Variants in RPL5 observed in about 807,000 individuals in gnomAD.
RPL5 encodes the protein ribosomal protein L5.
RPL5 carries 1 observed loss-of-function variant against 38.4 expected under a neutral mutation model. That is an observed-to-expected ratio of 0.03 (90% CI 0.01 to 0.12). RPL5 has a LOEUF of 0.12. Among genes scored for constraint, RPL5 ranks in the 10% least tolerant of loss-of-function variants. RPL5 has a pLI of 1.00. For synonymous variants in RPL5, 109 were observed against 121.2 expected (o/e 0.90, Z 0.66); for missense variants, 243 against 374.1 (o/e 0.65, Z 2.89).
intron 6 of RPL5, 74 bp from the exon 7 acceptor site, chr1:92,840,477 A>G (rs1375667827): frequency 9.2e-6 from 10 of 1,084,670 alleles, no homozygotes; most frequent in East Asian, 2.4e-5. Context: ...GAAGGACAAG[A>G]TAAGTTATGG....
intron 4 of RPL5, among the ~76,000 whole-genome samples, chr1:92,835,847 A>C (rs912099284): frequency 1.3e-5 from 2 of 152,148 alleles, no homozygotes; most frequent in African/African-American, 4.8e-5. Context: ...GTTGATGACA[A>C]CCCACTCATT....
intron 1 of RPL5, among the ~76,000 whole-genome samples, chr1:92,832,552 G>A (rs1686951279): frequency 6.6e-6 from 1 of 152,220 alleles, no homozygotes; most frequent in African/African-American, 2.4e-5. Context: ...TTTTCCAGGA[G>A]AATGTCGGAG....
intron 7 of RPL5, 73 bp from the exon 8 acceptor site, chr1:92,841,692 TA>T (rs1369205554): frequency 2.1e-6 from 2 of 937,918 alleles, no homozygotes; most frequent in African/African-American, 1.7e-5. Flanking sequence ...AATTAAATTT[TA>T]TTAAAATTTT....
chr1:92,833,741 T>TAG, intron 3 of RPL5, 81 bp downstream of exon 3: 3 of 1,129,046 alleles, frequency 2.7e-6, no homozygotes, highest in Non-Finnish European at 4.0e-6. Context: ...GTGTGTGTGT[T>TAG]AGAAGGGCTG....
rs1310326098 is a variant in RPL5, at chr1:92,833,542, C to T, written c.74-3C>T. 1.2e-6 allele frequency: 2 copies of T among 1,613,116 alleles called. No homozygotes were observed. Among genetic ancestry groups the T allele is most frequent in the African/African-American group, 1.3e-5 (1 of 74,854 alleles). On this transcript the variant is annotated splice_polypyrimidine_tract_variant and splice_region_variant and intron_variant, in intron 2 of 7. Coordinates refer to ENST00000370321, the MANE Select transcript of RPL5 (RefSeq NM_000969.5). ...CCTTTCTACAATTATTTTTTTCTTT[C>T]AGAGGGTAAAACTGATTATTATGCT...
At chr1:92,832,475 C>G (rs1055833650) in intron 1 of RPL5, among the ~76,000 whole-genome samples, 1 of 152,126 alleles carries the variant, frequency 6.6e-6, no homozygotes, top group Non-Finnish European at 1.5e-5. Context: ...CTGGGGAACG[C>G]CAGAATGGAG....
chr1:92,837,730 T>A, intron 6 of RPL5, 97 bp downstream of exon 6: 1 of 969,054 alleles, frequency 1.0e-6, no homozygotes, highest in Non-Finnish European at 1.6e-6. Flanking sequence ...ATAGGTGTGT[T>A]TCTTGACAAC....
intron 3 of RPL5, 109 bp downstream of exon 3, chr1:92,833,769 C>T: frequency 1.2e-6 from 1 of 824,346 alleles, no homozygotes; most frequent in Non-Finnish European, 2.0e-6. Context: ...CCTCCAAAAG[C>T]ATCCAGTGAA....
intron 1 of RPL5, chr1:92,832,788 G>A: frequency 3.7e-6 from 2 of 535,490 alleles, no homozygotes; most frequent in Non-Finnish European, 6.6e-6. Context: ...TTTAGCTGAT[G>A]GGGAACAGTG....
intron 6 of RPL5, among the ~76,000 whole-genome samples, chr1:92,838,304 A>G (rs890636337): frequency 1.3e-5 from 2 of 152,156 alleles, no homozygotes; most frequent in African/African-American, 4.8e-5. Context: ...GTAGTTTTTT[A>G]TCAATAATGT....
chr1:92,840,452 T>C, intron 6 of RPL5, 99 bp from the exon 7 acceptor site: 1 of 879,366 alleles, frequency 1.1e-6, no homozygotes, highest in Non-Finnish European at 1.9e-6. Context: ...TAGTTCCTTT[T>C]GAGAATCTGG....
chr1:92,841,918 GC>G lies in RPL5; in HGVS notation c.*54del. 1 of 1,354,656 alleles carries G rather than the reference GC, an allele frequency of 7.4e-7. No individual in the cohort carries two copies. Among genetic ancestry groups the G allele is most frequent in the Non-Finnish European group, 1.0e-6 (1 of 954,504 alleles). The allele number at this position is 1,354,656 out of a possible 1,614,324, so 83.9% of individuals were successfully genotyped here. On this transcript the variant is annotated 3_prime_UTR_variant, in exon 8 of 8. Coordinates refer to ENST00000370321, the MANE Select transcript of RPL5 (RefSeq NM_000969.5). Reference sequence around the variant, plus strand: ...GATATAGATAATAAACTTATGAACAGCAACTATTTCTGTGTTAAGCTCTTAT... The same window carrying G: ...GATATAGATAATAAACTTATGAACAGAACTATTTCTGTGTTAAGCTCTTAT...
chr1:92,832,171 T>C, intron 1 of RPL5, 54 bp downstream of exon 1: 1 of 1,611,292 alleles, frequency 6.2e-7, no homozygotes, highest in Non-Finnish European at 8.5e-7. Flanking sequence ...TCCCTTTTCT[T>C]GCCCGTATGC....
At chr1:92,839,129 T>C (rs968270644) in intron 6 of RPL5, among the ~76,000 whole-genome samples, 1 of 145,758 alleles carries the variant, frequency 6.9e-6, no homozygotes, top group Non-Finnish European at 1.5e-5. Flanking sequence ...GAGGCCGTGG[T>C]GGGCAGATCA....
intron 3 of RPL5, 55 bp from the exon 4 acceptor site, chr1:92,834,724 T>C (rs1187407366): frequency 5.0e-6 from 8 of 1,604,522 alleles, no homozygotes; most frequent in Non-Finnish European, 6.8e-6. Context: ...ATAATTAAGA[T>C]GTAGTAAGAC....
chr1:92,833,991 C>G (rs983344024), intron 3 of RPL5: 1 of 335,096 alleles, frequency 3.0e-6, no homozygotes, highest in African/African-American at 2.1e-5. Flanking sequence ...ACCTGTAGTC[C>G]CAGCTACTCA....
chr1:92,834,660 C>A, intron 3 of RPL5, 119 bp from the exon 4 acceptor site: 1 of 1,360,764 alleles, frequency 7.3e-7, no homozygotes, highest in Non-Finnish European at 1.0e-6. Context: ...GAGTCTTAAG[C>A]ATTTTAAGTG....
Position 92,832,072 on chromosome 1 carries a change from C to T in RPL5, c.-43C>T, listed in dbSNP as rs754042893. ...CCACCCCCTAGCGCCGCTGGGCCTG[C>T]AGGTCTCTGTCGAGCAGCGGACGCC... On this transcript the variant is annotated 5_prime_UTR_variant, in exon 1 of 8. Transcript: ENST00000370321. The T allele has an allele frequency of 9.3e-6, 15 of 1,613,500 alleles. No homozygotes were observed. Among genetic ancestry groups the T allele is most frequent in the South Asian group, 2.2e-5 (2 of 90,960 alleles).
chr1:92,836,482 A>C, intron 5 of RPL5, 90 bp downstream of exon 5: 1 of 1,218,912 alleles, frequency 8.2e-7, no homozygotes, highest in South Asian at 1.2e-5. Context: ...GAATTAAAGT[A>C]GCTATCAATT....
Sources: allele counts gnomAD v4.1 joint callset (sites outside exome capture counted in the v4.1 genomes callset), GRCh38; gene constraint gnomAD v4.1.1; transcripts MANE v1.5; gene names NCBI Gene and HGNC (gene_info 2026-07-23, HGNC 2026-07-21).